POLRMT: variants seen among roughly 807,000 people sequenced by gnomAD.
POLRMT encodes DNA-directed RNA polymerase, mitochondrial.
A neutral mutation model predicts 132.2 loss-of-function variants in POLRMT; 114 were observed. That is an observed-to-expected ratio of 0.86 (90% CI 0.74 to 1.01). The LOEUF (loss-of-function observed/expected upper bound fraction) is 1.01, where lower values mean the gene tolerates loss of function less well. Ranked by LOEUF, POLRMT falls within the 50% of genes least tolerant of loss-of-function variation. The probability of loss-of-function intolerance (pLI) is 0.00; values close to 1 mark genes in which losing one functional copy is unlikely to be tolerated. For missense variants in POLRMT, 2,003 were observed against 1,729.1 expected (o/e 1.16, Z -2.81); for synonymous variants, 1,020 against 773.4 (o/e 1.32, Z -5.29).
At chr19:619,157 C>G in intron 14 of POLRMT, 47 bp from the exon 15 acceptor site, 1 of 1,610,416 alleles carries the variant, frequency 6.2e-7, no homozygotes, top group Non-Finnish European at 8.5e-7. Flanking sequence ...GGCCGGGGAT[C>G]CCGTCCACTT....
chr19:633,474 G>A lies in POLRMT; in HGVS notation c.39C>T (p.Leu13=). ...GGCCGCAAGGCCGTAGGGCTCGTTTGAGCCCCGCCGCTCCGCGGCCCCAGC... is the reference window on the plus strand; with the variant it reads ...GGCCGCAAGGCCGTAGGGCTCGTTTAAGCCCCGCCGCTCCGCGGCCCCAGC... ...ALCWGRGAAG[L]KRALRPCGRP... The change falls in exon 1 of 21, where the codon CTC becomes CTT. Residue 13 remains leucine, a synonymous_variant. Coordinates refer to ENST00000588649, the MANE Select transcript of POLRMT (RefSeq NM_005035.4). 1.3e-6 allele frequency: 2 copies of A among 1,560,598 alleles called. No homozygotes were observed. Among genetic ancestry groups the A allele is most frequent in the Non-Finnish European group, 1.7e-6 (2 of 1,154,718 alleles).
At position 618,770 on chromosome 19, in the gene POLRMT, G is replaced by A. The variant is rs753852937; in HGVS notation, c.3268-10C>T. On this transcript the variant is annotated splice_polypyrimidine_tract_variant and intron_variant, in intron 15 of 20. Coordinates refer to ENST00000588649, the MANE Select transcript of POLRMT (RefSeq NM_005035.4). The stretch of plus-strand genomic sequence containing the variant: ...TTCCACCTCCTATTTGCTAAAAAGG[G>A]GAAGGGGCCGGTGAGTCCCACCCGA... The A allele has an allele frequency of 1.6e-5, 26 of 1,589,544 alleles. No homozygotes were observed. Among genetic ancestry groups the A allele is most frequent in the Middle Eastern group, 2.1e-4 (1 of 4,710 alleles).
At chr19:622,448 C>A in intron 8 of POLRMT, 75 bp from the exon 9 acceptor site, 1 of 1,462,376 alleles carries the variant, frequency 6.8e-7, no homozygotes, top group Non-Finnish European at 9.1e-7. Flanking sequence ...TGCCTGACGC[C>A]CGGTGGGGCA....
rs571929257 is a variant in POLRMT, at chr19:617,682, G to A, written c.3496-27C>T. The A allele has an allele frequency of 3.7e-6, 6 of 1,611,924 alleles. No individual in the cohort carries two copies. In the African/African-American group the frequency reaches 4.0e-5, roughly 11 times the overall value. ...TGGGCAGGAGTCAGAGGATCCCCAG[G>A]GGTGATCAGGCAGGCTCTGGGCACC... On this transcript the variant is annotated intron_variant, in intron 18 of 20. Coordinates refer to ENST00000588649, the MANE Select transcript of POLRMT (RefSeq NM_005035.4).
At chr19:631,293 G>A (rs551396023) in intron 2 of POLRMT, among the ~76,000 whole-genome samples, 10 of 144,034 alleles carry the variant, frequency 6.9e-5, no homozygotes, top group South Asian at 4.8e-4. Flanking sequence ...AGGCCACCGT[G>A]CTGCAGCCTG....
chr19:618,631 C>A lies in POLRMT; in HGVS notation c.3324-45G>T, dbSNP rs1209209345. ...CGGTGGGGGCGGCCCAGGGACACCC[C>A]TAACTGGCCGCTGTCTCCACCGTGG... On this transcript the variant is annotated intron_variant, in intron 16 of 20. Coordinates refer to ENST00000588649, the MANE Select transcript of POLRMT (RefSeq NM_005035.4). The A allele has an allele frequency of 2.5e-6, 4 of 1,599,832 alleles. No individual in the cohort carries two copies. In the East Asian group the frequency reaches 9.0e-5, roughly 36 times the overall value.
At chr19:623,628 TGGG>T (rs1568170904) in intron 5 of POLRMT, 25 bp from the exon 6 acceptor site, 1 of 1,608,498 alleles carries the variant, frequency 6.2e-7, no homozygotes. Context: ...GTAGTGAGGT[TGGG>T]GGCTTGCCAG....
At chr19:621,868 G>A in intron 9 of POLRMT, 22 bp from the exon 10 acceptor site, 2 of 1,599,852 alleles carry the variant, frequency 1.3e-6, no homozygotes, top group South Asian at 1.1e-5. Context: ...CAGGCAGACG[G>A]GTCAGGGCCC....
rs1341304770 is a variant in POLRMT, at chr19:623,731, G to A, written c.1141-128C>T. 15 of 1,134,264 alleles carry A rather than the reference G, an allele frequency of 1.3e-5. No homozygotes were observed. The East Asian group carries it at 1.5e-4, about 11-fold the overall frequency. 70.3% of individuals were successfully genotyped at this position (1,134,264 alleles called of 1,614,324 possible). A position where few individuals can be genotyped will look rare whatever the true frequency, so the allele number is the denominator to read the frequency against. ...AGTTGCTGGTGGCTATCGCTGACGC[G>A]GGGAAAGGCGGGCTGCGGGTAAAGT... On this transcript the variant is annotated intron_variant, in intron 5 of 20. Transcript: ENST00000588649.
Position 622,858 on chromosome 19 carries a change from A to C in POLRMT, c.1418T>G (p.Leu473Arg). Residue 473 changes from leucine (L) to arginine (R), a missense_variant, in exon 7 of 21, where the codon CTG (leucine) becomes CGG (arginine). Physicochemically the swap from Leu to Arg is moderately radical, Grantham distance 102. Coordinates refer to ENST00000588649, the MANE Select transcript of POLRMT (RefSeq NM_005035.4). ...CCGCACCACCTCGCGCTCGTCCAGC[A>C]GGCACAGGAAGGGGTAAAGTGAGAA... ...GRFSLYPFLC[L>R]LDEREVVRML... 2 of 1,607,586 alleles carry C rather than the reference A, an allele frequency of 1.2e-6. No individual in the cohort carries two copies. Among genetic ancestry groups the C allele is most frequent in the Non-Finnish European group, 1.7e-6 (2 of 1,177,776 alleles).
At chr19:618,785 G>C in intron 15 of POLRMT, 25 bp from the exon 16 acceptor site, 1 of 1,577,368 alleles carries the variant, frequency 6.3e-7, no homozygotes, top group Non-Finnish European at 8.6e-7. Flanking sequence ...GGGCCGGTGA[G>C]TCCCACCCGA....
intron 10 of POLRMT, 81 bp from the exon 11 acceptor site, chr19:620,568 G>C: frequency 1.4e-6 from 2 of 1,433,168 alleles, no homozygotes; most frequent in Admixed American, 5.4e-5. Flanking sequence ...CGGGGAGGTG[G>C]GAAATGGGGA....
At position 623,434 on chromosome 19, in the gene POLRMT, G is replaced by A. The variant is rs1437939850; in HGVS notation, c.1290+20C>T. 2.5e-6 allele frequency: 4 copies of A among 1,608,806 alleles called. No homozygotes were observed. The highest frequency in any genetic ancestry group is 1.7e-5 in the Admixed American group (1 of 59,914). On this transcript the variant is annotated intron_variant, in intron 6 of 20. Transcript: ENST00000588649. Reference sequence around the variant, plus strand: ...GGCTCAGCCCCTGCGGCGGACACGGGACCCCGGCTCAGCCCCTACCGCGTG... The same window carrying A: ...GGCTCAGCCCCTGCGGCGGACACGGAACCCCGGCTCAGCCCCTACCGCGTG...
chr19:623,643 G>A (rs1439916355), intron 5 of POLRMT, 40 bp from the exon 6 acceptor site: 2 of 1,603,422 alleles, frequency 1.2e-6, no homozygotes, highest in East Asian at 2.2e-5. Context: ...GCTTGCCAGA[G>A]GGCGACCTGC....
intron 9 of POLRMT, 23 bp from the exon 10 acceptor site, chr19:621,869 G>C: frequency 6.3e-7 from 1 of 1,599,756 alleles, no homozygotes; most frequent in Non-Finnish European, 8.5e-7. Flanking sequence ...AGGCAGACGG[G>C]TCAGGGCCCC....
In POLRMT at chr19:622,243, G is replaced by A. The variant is rs1426338981; in HGVS notation, c.1757C>T (p.Ala586Val). The A allele has an allele frequency of 4.5e-6, 7 of 1,560,476 alleles. No individual in the cohort carries two copies. The highest frequency in any genetic ancestry group is 4.3e-6 in the Non-Finnish European group (5 of 1,154,402). ...GTCCAGGCTGCATGGCATCTGCGTA[G>A]CCTGCACCAGCATCTCCGCCAGCAG... ...GKLLAEMLVQ[A>V]TQMPCSLDKP... Residue 586 changes from alanine to valine, a missense_variant, in exon 9 of 21, where the codon GCT (alanine) becomes GTT (valine). By Grantham distance (64) the Ala-to-Val change is moderately conservative (BLOSUM62 0). Coordinates refer to ENST00000588649, the MANE Select transcript of POLRMT (RefSeq NM_005035.4).
rs555662774 is a variant in POLRMT, at chr19:631,791, G to A, written c.193+1043C>T. Among the ~76,000 whole-genome samples the A allele has an allele frequency of 7.9e-5, 12 of 152,294 alleles. No homozygotes were observed. The South Asian group carries it at 1.0e-3, about 13-fold the overall frequency. Reference sequence around the variant, plus strand: ...GGAATTTCCCTCGTTGCCCAGGCTAGAGTGCAATGGCATGATCTCGGCTCA... The same window carrying A: ...GGAATTTCCCTCGTTGCCCAGGCTAAAGTGCAATGGCATGATCTCGGCTCA... On this transcript the variant is annotated intron_variant, in intron 2 of 20. Transcript: ENST00000588649.
chr19:632,131 G>A (rs1272984778), intron 2 of POLRMT, among the ~76,000 whole-genome samples: 1 of 151,086 alleles, frequency 6.6e-6, no homozygotes, highest in South Asian at 2.1e-4. Flanking sequence ...TGGGAGTACA[G>A]GCGTGAGCCA....
chr19:623,355 C>T, intron 6 of POLRMT, 99 bp downstream of exon 6: 3 of 1,530,410 alleles, frequency 2.0e-6, no homozygotes, highest in South Asian at 1.2e-5. Flanking sequence ...CCGGCTCAGC[C>T]CCTGCGGCGG....
Sources: allele counts gnomAD v4.1 joint callset (sites outside exome capture counted in the v4.1 genomes callset), GRCh38; gene constraint gnomAD v4.1.1; transcripts MANE v1.5; gene names NCBI Gene and HGNC (gene_info 2026-07-23, HGNC 2026-07-21).